Variants in USF3 observed in about 807,000 individuals in gnomAD.
The protein encoded by USF3 is basic helix-loop-helix domain-containing protein USF3.
USF3 carries 29 observed loss-of-function variants against 157.5 expected under a neutral mutation model. The ratio of observed to expected loss-of-function variants is 0.18; its 90% confidence interval spans 0.14 to 0.25. The LOEUF (loss-of-function observed/expected upper bound fraction) is 0.25. USF3 is among the 10% of genes least tolerant of loss of function. The pLI, the probability that USF3 is intolerant of heterozygous loss-of-function variation, is 1.00. For synonymous variants in USF3, 893 were observed against 941.4 expected, an observed-to-expected ratio of 0.95 and a Z score of 0.94; for missense variants, 2,381 against 2,667.6, an observed-to-expected ratio of 0.89 and a Z score of 2.37.
At chr3:113,685,768 A>G (rs1372490125) in intron 1 of USF3, among the ~76,000 whole-genome samples, 1 of 152,132 alleles carries the variant, frequency 6.6e-6, no homozygotes, top group African/African-American at 2.4e-5. Flanking sequence ...GAATTCTGCT[A>G]GGAGTGTACC....
chr3:113,677,393 T>G lies in USF3; in HGVS notation c.-130A>C, dbSNP rs2107946393. 6.6e-6 allele frequency: 1 copy of G among 152,290 alleles called. No homozygotes were observed. The highest frequency in any genetic ancestry group is 1.5e-5 in the Non-Finnish European group (1 of 68,026). 9.4% of individuals were successfully genotyped at this position (152,290 alleles called of 1,614,324 possible). ...AGATGGTCTATGGGTTATGCTTTCT[T>G]CTTACTACACAAGAGAAAAATCAAT... is the stretch of plus-strand genomic sequence containing the variant. On this transcript the variant is annotated 5_prime_UTR_variant, in exon 2 of 7. Transcript: ENST00000316407.
At position 113,658,404 on chromosome 3, in the gene USF3, C is replaced by A. The variant is rs1459898541; in HGVS notation, c.3278G>T (p.Gly1093Val). The A allele has an allele frequency of 6.2e-7, 1 of 1,614,098 alleles. No individual in the cohort carries two copies. The highest frequency in any genetic ancestry group is 1.1e-5 in the South Asian group (1 of 91,078). ...TGCAACTGAGAAACTACGACTACTG[C>A]CAGAGCTGGTTGACATGGGAGAGTC... ...QADSPMSTSS[G>V]SSRSFSVASM... Residue 1093 changes from glycine to valine, a missense_variant, in exon 7 of 7, where the codon GGC becomes GTC. Transcript: ENST00000316407.
intron 6 of USF3, among the ~76,000 whole-genome samples, chr3:113,663,564 G>A (rs1947519481): frequency 6.6e-6 from 1 of 152,116 alleles, no homozygotes; most frequent in African/African-American, 2.4e-5. Flanking sequence ...AATAAACACA[G>A]CCCAGCACTG....
At position 113,656,206 on chromosome 3, in the gene USF3, G is replaced by A. The variant is rs201665427; in HGVS notation, c.5476C>T (p.Pro1826Ser). 3.1e-6 allele frequency: 5 copies of A among 1,614,098 alleles called. No individual in the cohort carries two copies. Among genetic ancestry groups the A allele is most frequent in the East Asian group, 2.2e-5 (1 of 44,884 alleles). Residue 1826 changes from proline to serine, a missense_variant, in exon 7 of 7, where the codon CCT becomes TCT. Pro to Ser is a moderately conservative substitution (Grantham distance 74). Coordinates refer to ENST00000316407, the MANE Select transcript of USF3 (RefSeq NM_001009899.4). ...CCAATGACCTGATCACTGAGGTGAG[G>A]GGCAAGTAAGCTCTGCATGAAACTT... Reference protein sequence around the residue: ...HQSFMQSLLAPHLSDQVIGSQ... With the variant: ...HQSFMQSLLASHLSDQVIGSQ...
chr3:113,677,797 T>C (rs1219482799), intron 1 of USF3, among the ~76,000 whole-genome samples: 1 of 152,148 alleles, frequency 6.6e-6, no homozygotes, highest in East Asian at 1.9e-4. Context: ...CTTCTCTCTT[T>C]TAAGAGTGCC....
intron 1 of USF3, among the ~76,000 whole-genome samples, chr3:113,684,713 C>G (rs1242783042): frequency 6.6e-6 from 1 of 152,028 alleles, no homozygotes; most frequent in Admixed American, 6.6e-5. Flanking sequence ...ATTTTAATCT[C>G]TTCATTAAAT....
intron 5 of USF3, among the ~76,000 whole-genome samples, chr3:113,664,990 C>G (rs1021060692): frequency 4.1e-4 from 62 of 152,282 alleles, no homozygotes; most frequent in African/African-American, 1.4e-3. Context: ...TCCCACCTTC[C>G]AGAACTGTGA....
chr3:113,682,279 C>A (rs1467841417), intron 1 of USF3, among the ~76,000 whole-genome samples: 1 of 151,830 alleles, frequency 6.6e-6, no homozygotes, highest in African/African-American at 2.4e-5. Flanking sequence ...GAGCCATGAT[C>A]GTGCCACCGC....
At chr3:113,674,594 C>T (rs917105745) in intron 3 of USF3, among the ~76,000 whole-genome samples, 1 of 152,194 alleles carries the variant, frequency 6.6e-6, no homozygotes, top group Non-Finnish European at 1.5e-5. Flanking sequence ...CCACCAGCCT[C>T]GGCCTCCCAA....
chr3:113,693,267 A>G (rs1707726861), intron 1 of USF3, among the ~76,000 whole-genome samples: 1 of 152,224 alleles, frequency 6.6e-6, no homozygotes, highest in Admixed American at 6.5e-5. Context: ...TATTTCTGCC[A>G]TGTTGCAATG....
intron 2 of USF3, 82 bp downstream of exon 2, chr3:113,677,200 A>G: frequency 6.6e-6 from 1 of 152,236 alleles, no homozygotes; most frequent in East Asian, 1.9e-4. Flanking sequence ...AAAAGCAATG[A>G]GCTCACATTA....
chr3:113,656,036 C>T lies in USF3; in HGVS notation c.5646G>A (p.Ser1882=), dbSNP rs747018514. The change falls in exon 7 of 7, where the codon TCG becomes TCA. Residue 1882 remains serine (S), a synonymous_variant. Transcript: ENST00000316407. ...TGTTCCTGGTGTTAATTGCACCTAA[C>T]GACATGTCACAACTTTCCCTATTCT... ...ESQNRESCDM[S]LGAINTRNST... is the part of the protein sequence containing the mutation. 2.6e-5 allele frequency: 42 copies of T among 1,614,056 alleles called. No individual in the cohort carries two copies. The highest frequency in any genetic ancestry group is 6.7e-5 in the African/African-American group (5 of 74,920).
chr3:113,688,364 C>G (rs540622821), intron 1 of USF3, among the ~76,000 whole-genome samples: 1 of 152,176 alleles, frequency 6.6e-6, no homozygotes, highest in African/African-American at 2.4e-5. Context: ...GTGATCCCCC[C>G]ACCTTGGCCT....
In USF3 at chr3:113,651,843, CTTAT is replaced by C. The variant is rs1309074620; in HGVS notation, c.*3097_*3100del. The C allele has an allele frequency of 4.6e-5, 7 of 152,082 alleles. No homozygotes were observed. Among genetic ancestry groups the C allele is most frequent in the African/African-American group, 1.7e-4 (7 of 41,404 alleles). The allele number at this position is 152,082 out of a possible 1,614,324, so 9.4% of individuals were successfully genotyped here. On this transcript the variant is annotated 3_prime_UTR_variant, in exon 7 of 7. Coordinates refer to ENST00000316407, the MANE Select transcript of USF3 (RefSeq NM_001009899.4). ...TTTTTCCTCAGATGGTCAAATAAGG[CTTAT>C]TGAGACTCTTTCAAGATCAAAATGT...
At position 113,649,601 on chromosome 3, in the gene USF3, G is replaced by T. The variant is rs1043729672; in HGVS notation, c.*5343C>A. On this transcript the variant is annotated 3_prime_UTR_variant, in exon 7 of 7. Coordinates refer to ENST00000316407, the MANE Select transcript of USF3 (RefSeq NM_001009899.4). ...AACATCAGCTGTACTTGTCGAGAAG[G>T]TGTCTGATTACACAGCGTGTACCAT... is the stretch of plus-strand genomic sequence containing the variant. 5.0e-6 allele frequency: 2 copies of T among 400,870 alleles called. No individual in the cohort carries two copies. Among genetic ancestry groups the T allele is most frequent in the Non-Finnish European group, 8.8e-6 (2 of 227,254 alleles). The allele number at this position is 400,870 out of a possible 1,614,324, so 24.8% of individuals were successfully genotyped here.
chr3:113,659,397 G>C lies in USF3; in HGVS notation c.2285C>G (p.Thr762Arg), dbSNP rs1435672073. 13 of 1,614,226 alleles carry C rather than the reference G, an allele frequency of 8.1e-6. No homozygotes were observed. The highest frequency in any genetic ancestry group is 1.1e-5 in the Non-Finnish European group (13 of 1,180,040). ...AGCTAGTGTGGCTGAACTATCTGTT[G>C]TCACAGGAGGTGCTGCAGTTGTTGT... ...SLTTTAAPPVTTDSSATLAST... is the reference protein window; with the variant it reads ...SLTTTAAPPVRTDSSATLAST... The change falls in exon 7 of 7, where the codon ACA becomes AGA. Residue 762 changes from threonine to arginine, a missense_variant. Thr to Arg is a moderately conservative substitution (Grantham distance 71, BLOSUM62 -1). Around this residue, in one of 6 missense-constraint regions of USF3, gnomAD observed 1,435 missense variants for 1,550.9 expected, o/e 0.93. Transcript: ENST00000316407.
chr3:113,681,875 C>T (rs1031420122), intron 1 of USF3, among the ~76,000 whole-genome samples: 4 of 148,720 alleles, frequency 2.7e-5, no homozygotes, highest in Admixed American at 1.4e-4. Context: ...CCTGCCACCA[C>T]GCCTGGCTAA....
Position 113,657,635 on chromosome 3 carries a change from T to G in USF3, c.4047A>C (p.Pro1349=). The change falls in exon 7 of 7, where the codon CCA becomes CCC. Residue 1349 remains proline (P), a synonymous_variant. Transcript: ENST00000316407. ...ACATACTTTCAAGCCTGAGGGGGGC[T>G]GGCTGACAGTGCTTTTGACGTTTAG... The part of the protein sequence containing the change: ...SSAKRQKHCQ[P]APLRLESMSL... 1.2e-6 allele frequency: 2 copies of G among 1,614,254 alleles called. No homozygotes were observed. Among genetic ancestry groups the G allele is most frequent in the Non-Finnish European group, 1.7e-6 (2 of 1,180,044 alleles).
chr3:113,671,417 T>C (rs1707150539), intron 4 of USF3, among the ~76,000 whole-genome samples: 1 of 152,218 alleles, frequency 6.6e-6, no homozygotes, highest in South Asian at 2.1e-4. Context: ...ACTTTGGCTA[T>C]GTTGGATCTT....
Sources: gnomAD v4.1 joint callset for allele counts (sites outside exome capture counted in the v4.1 genomes callset) on GRCh38, gnomAD v4.1.1 for gene constraint, gnomAD v4.1.1 regional missense constraint, MANE v1.5 for transcripts, NCBI Gene and HGNC (gene_info 2026-07-23, HGNC 2026-07-21) for gene names.